The following CCDC172 variants were observed in gnomAD, a reference collection of about 807,000 sequenced individuals.
The protein encoded by CCDC172 is coiled-coil domain containing 172.
In CCDC172, 30 loss-of-function variants were observed where a neutral mutation model predicts 38.0. The ratio of observed to expected loss-of-function variants is 0.79; its 90% CI spans 0.59 to 1.07. CCDC172 has a LOEUF of 1.07. Among genes scored for constraint, CCDC172 ranks in the 50% least tolerant of loss-of-function variants. The pLI is 0.00. For synonymous variants in CCDC172, 78 were observed against 88.3 expected, an observed-to-expected ratio of 0.88 and a Z score of 0.66; for missense variants, 297 against 290.1, an observed-to-expected ratio of 1.02 and a Z score of -0.17.
At chr10:116,364,201 T>C (rs1221047376) in intron 7 of CCDC172, among the ~76,000 whole-genome samples, 1 of 152,156 alleles carries the variant, frequency 6.6e-6, no homozygotes, top group East Asian at 1.9e-4. Flanking sequence ...TAAGACAATG[T>C]AATTGAGCTA....
At chr10:116,331,669 G>A (rs1395008718) in intron 3 of CCDC172, among the ~76,000 whole-genome samples, 1 of 151,870 alleles carries the variant, frequency 6.6e-6, no homozygotes, top group Non-Finnish European at 1.5e-5. Flanking sequence ...CTTACATGGT[G>A]GTAGATTTTC....
At chr10:116,328,538 C>G (rs1224611118) in intron 3 of CCDC172, among the ~76,000 whole-genome samples, 1 of 151,878 alleles carries the variant, frequency 6.6e-6, no homozygotes, top group Non-Finnish European at 1.5e-5. Flanking sequence ...ACATAAAACT[C>G]AATATAATGC....
intron 7 of CCDC172, among the ~76,000 whole-genome samples, chr10:116,371,956 C>T (rs565393141): frequency 2.9e-4 from 44 of 152,082 alleles, no homozygotes; most frequent in Non-Finnish European, 5.1e-4. Context: ...TTTCCCTACA[C>T]GGGGAAAGAC....
chr10:116,374,521 A>G (rs1183948724), intron 7 of CCDC172, among the ~76,000 whole-genome samples: 3 of 152,164 alleles, frequency 2.0e-5, no homozygotes, highest in East Asian at 3.9e-4. Context: ...ATCATAGCAT[A>G]TAGAGAGTTC....
intron 3 of CCDC172, among the ~76,000 whole-genome samples, chr10:116,326,938 G>T (rs1453647860): frequency 6.6e-6 from 1 of 152,172 alleles, no homozygotes; most frequent in Non-Finnish European, 1.5e-5. Context: ...AAAGCTGGTG[G>T]TATGGGCAAA....
At chr10:116,344,787 T>C (rs934033748) in intron 5 of CCDC172, among the ~76,000 whole-genome samples, 5 of 151,770 alleles carry the variant, frequency 3.3e-5, no homozygotes, top group African/African-American at 9.7e-5. Flanking sequence ...GTTGTATGAA[T>C]ATACAAAAAA....
chr10:116,363,766 G>A (rs1005828538), intron 7 of CCDC172, among the ~76,000 whole-genome samples: 4 of 151,626 alleles, frequency 2.6e-5, no homozygotes, highest in Non-Finnish European at 5.9e-5. Flanking sequence ...GTGAAACCCC[G>A]CCTCTACTAC....
rs541429687 is a variant in CCDC172 at position 116,347,421 on chromosome 10, G to A, written c.448+5220G>A. ...GGAGCAGATTGAGGTAATAAGCAGGGCAAAAGCCAAATTGTAAGGAGTTGA... is the reference window on the plus strand; with the variant it reads ...GGAGCAGATTGAGGTAATAAGCAGGACAAAAGCCAAATTGTAAGGAGTTGA... On this transcript the variant is annotated intron_variant, in intron 5 of 8. Transcript: ENST00000333254. 7.8e-4 allele frequency among the ~76,000 whole-genome samples: 118 copies of A among 152,248 alleles called. 1 individual carries two copies. The highest frequency in any genetic ancestry group is 3.4e-3 in the Middle Eastern group (1 of 294).
intron 7 of CCDC172, among the ~76,000 whole-genome samples, chr10:116,369,291 A>C (rs985253386): frequency 5.3e-5 from 8 of 151,998 alleles, no homozygotes. Flanking sequence ...AAAAGTATAT[A>C]AAAAGATACA....
At chr10:116,377,278 G>A (rs1168526276) in intron 7 of CCDC172, among the ~76,000 whole-genome samples, 1 of 152,144 alleles carries the variant, frequency 6.6e-6, no homozygotes, top group East Asian at 1.9e-4. Flanking sequence ...GCCTTATGTT[G>A]GTTCAAGGCC....
intron 3 of CCDC172, among the ~76,000 whole-genome samples, chr10:116,337,666 A>G (rs1240833884): frequency 6.6e-6 from 1 of 152,202 alleles, no homozygotes; most frequent in African/African-American, 2.4e-5. Context: ...CAAGCTACAT[A>G]GATATAAAAT....
chr10:116,325,835 C>T (rs1033224225), intron 3 of CCDC172, among the ~76,000 whole-genome samples: 3 of 152,136 alleles, frequency 2.0e-5, no homozygotes. Context: ...GCCTTGCGTC[C>T]GAAGTATACC....
intron 3 of CCDC172, among the ~76,000 whole-genome samples, chr10:116,330,981 C>T (rs976784613): frequency 6.6e-6 from 1 of 152,102 alleles, no homozygotes; most frequent in Non-Finnish European, 1.5e-5. Context: ...CTCAGGTGAT[C>T]CTCCCACTTT....
chr10:116,338,415 CAGAA>C (rs1243781189), intron 3 of CCDC172, among the ~76,000 whole-genome samples: 3 of 151,458 alleles, frequency 2.0e-5, no homozygotes, highest in African/African-American at 7.3e-5. Context: ...GAAGGTAAGA[CAGAA>C]AGGGAATGAA....
intron 5 of CCDC172, among the ~76,000 whole-genome samples, chr10:116,345,625 C>G (rs1444367731): frequency 6.6e-6 from 1 of 151,896 alleles, no homozygotes; most frequent in Non-Finnish European, 1.5e-5. Context: ...ATAAGAAAGG[C>G]AAAAAGCCAA....
chr10:116,338,366 G>T (rs1844755192), intron 3 of CCDC172, among the ~76,000 whole-genome samples: 1 of 151,958 alleles, frequency 6.6e-6, no homozygotes, highest in South Asian at 2.1e-4. Context: ...TTTAGATCTG[G>T]ATTAAAAGAG....
At chr10:116,327,332 A>G (rs1345550123) in intron 3 of CCDC172, among the ~76,000 whole-genome samples, 1 of 152,150 alleles carries the variant, frequency 6.6e-6, no homozygotes, top group African/African-American at 2.4e-5. Flanking sequence ...ATATAACTGA[A>G]GTTTTGTATC....
At position 116,342,345 on chromosome 10, in the gene CCDC172, A is replaced by G. The variant is rs377464128; in HGVS notation, c.448+144A>G. ...TTTTACTTTTATTGATTTAATGAAG[A>G]TGTATCTTCTATTGTGAGCAGTTTC... is the stretch of plus-strand genomic sequence containing the variant. On this transcript the variant is annotated intron_variant, in intron 5 of 8. Transcript: ENST00000333254. 19 of 589,530 alleles carry G rather than the reference A, an allele frequency of 3.2e-5. No homozygotes were observed. The East Asian group carries it at 6.7e-4, about 21-fold the overall frequency. 36.5% of individuals were successfully genotyped at this position (589,530 alleles called of 1,614,324 possible). A position where few individuals can be genotyped will look rare whatever the true frequency, so the allele number is the denominator to read the frequency against.
Position 116,357,923 on chromosome 10 carries a change from A to G in CCDC172, c.638A>G (p.Asp213Gly). ...AAAATCAGTGAAAAGCCTCAAAATG[A>G]TACAGAATGCTTAAGGTAAGAGTTT... Reference protein sequence around the residue: ...KIKISEKPQNDTECLRLKKEL... With the variant: ...KIKISEKPQNGTECLRLKKEL... The change falls in exon 7 of 9, where the codon GAT becomes GGT. Residue 213 changes from aspartate to glycine, a missense_variant. Transcript: ENST00000333254. 6.4e-7 allele frequency: 1 copy of G among 1,572,032 alleles called. No homozygotes were observed. The highest frequency in any genetic ancestry group is 8.7e-7 in the Non-Finnish European group (1 of 1,153,558).
Sources: allele counts gnomAD v4.1 joint callset (sites outside exome capture counted in the v4.1 genomes callset), GRCh38; gene constraint gnomAD v4.1.1; transcripts MANE v1.5; gene names NCBI Gene and HGNC (gene_info 2026-07-23, HGNC 2026-07-21).